Variants in KISS1R observed in about 807,000 individuals in gnomAD.
The protein encoded by KISS1R is kiSS-1 receptor.
KISS1R carries 19 observed loss-of-function variants against 22.0 expected under a neutral mutation model. The observed-to-expected ratio is 0.86, with a 90% CI of 0.60 to 1.26. KISS1R has a LOEUF of 1.26. Among genes scored for constraint, KISS1R ranks in the 50% most tolerant of loss-of-function variants. The pLI is 0.00. For missense variants in KISS1R, 653 were observed against 581.9 expected, an observed-to-expected ratio of 1.12 and a Z score of -1.26; for synonymous variants, 302 against 283.9, an observed-to-expected ratio of 1.06 and a Z score of -0.64.
intron 2 of KISS1R, 122 bp downstream of exon 2, chr19:918,790 G>A (rs1341105991): frequency 1.9e-6 from 2 of 1,061,916 alleles, no homozygotes; most frequent in South Asian, 2.9e-5. Flanking sequence ...TGGGAGGGGA[G>A]GGGATCGTAC....
In KISS1R at chr19:919,644, C is replaced by A. The variant is rs1274189492; in HGVS notation, c.505+19C>A. 1 of 1,545,354 alleles carries A rather than the reference C, an allele frequency of 6.5e-7. No homozygotes were observed. Among genetic ancestry groups the A allele is most frequent in the East Asian group, 2.4e-5 (1 of 41,562 alleles). ...TGGGTAGGTGAGTACAGCTCAGGGG[C>A]CTCACGGGAGAAGGCGGACACGTCC... On this transcript the variant is annotated intron_variant, in intron 3 of 4. Transcript: ENST00000234371.
In KISS1R at chr19:917,626, G is replaced by A; in HGVS notation, c.124G>A (p.Ala42Thr). 2 of 1,579,942 alleles carry A rather than the reference G, an allele frequency of 1.3e-6. No individual in the cohort carries two copies. The highest frequency in any genetic ancestry group is 1.7e-6 in the Non-Finnish European group (2 of 1,165,302). ...GPVPSPRAVD[A>T]WLVPLFFAAL... ...AGTCCCTTCGCCGCGGGCCGTGGAC[G>A]CCTGGCTCGTGCCGCTCTTCTTCGC... The change falls in exon 1 of 5, where the codon GCC (alanine) becomes ACC (threonine). Residue 42 changes from alanine to threonine, a missense_variant. Ala to Thr is a moderately conservative substitution (Grantham distance 58). Transcript: ENST00000234371.
At chr19:918,697 C>T in intron 2 of KISS1R, 29 bp downstream of exon 2, 3 of 1,535,574 alleles carry the variant, frequency 2.0e-6, no homozygotes, top group Non-Finnish European at 1.8e-6. Context: ...GGGGAGAGGG[C>T]GCACTTGGGG....
chr19:918,405 T>TGGGG, intron 1 of KISS1R, 139 bp from the exon 2 acceptor site: 1 of 822,102 alleles, frequency 1.2e-6, no homozygotes, highest in South Asian at 1.8e-5. Flanking sequence ...CCAGGGGCGC[T>TGGGG]GGGGGAGGGG....
rs757919641 is a variant in KISS1R, at chr19:920,635, G to T, written c.1084G>T (p.Glu362Ter). 1 of 1,338,508 alleles carries T rather than the reference G, an allele frequency of 7.5e-7. No homozygotes were observed. Among genetic ancestry groups the T allele is most frequent in the Non-Finnish European group, 9.5e-7 (1 of 1,053,202 alleles). The allele number at this position is 1,338,508 out of a possible 1,614,324, so 82.9% of individuals were successfully genotyped here. The change falls in exon 5 of 5, where the codon GAG (glutamate) becomes TAG (stop). Residue 362 changes from glutamate (E) to a stop codon, truncating the protein, a stop_gained. Coordinates refer to ENST00000234371, the MANE Select transcript of KISS1R (RefSeq NM_032551.5). LOFTEE classifies it low-confidence loss of function (END_TRUNC). ...GPSDPAAPHA[E>*]LLRLGSHPAP... ...CTCGGACCCCGCAGCCCCACACGCGGAGCTGCTCCGCCTGGGGTCCCACCC... is the reference window on the plus strand; with the variant it reads ...CTCGGACCCCGCAGCCCCACACGCGTAGCTGCTCCGCCTGGGGTCCCACCC...
In KISS1R at chr19:917,545, G is replaced by A; in HGVS notation, c.43G>A (p.Ala15Thr). 5.9e-6 allele frequency: 9 copies of A among 1,518,784 alleles called. No homozygotes were observed. Among genetic ancestry groups the A allele is most frequent in the Non-Finnish European group, 7.9e-6 (9 of 1,138,194 alleles). The allele number at this position is 1,518,784 out of a possible 1,614,324, so 94.1% of individuals were successfully genotyped here. ...ATSGPNASWG[A>T]PANASGCPGC... The stretch of plus-strand genomic sequence containing the variant: ...GTCCGGACCCAACGCGTCCTGGGGG[G>A]CACCGGCCAACGCCTCCGGCTGCCC... The change falls in exon 1 of 5, where the codon GCA (alanine) becomes ACA (threonine). Residue 15 changes from alanine (A) to threonine (T), a missense_variant. Ala to Thr is a moderately conservative substitution (Grantham distance 58). Coordinates refer to ENST00000234371, the MANE Select transcript of KISS1R (RefSeq NM_032551.5).
At position 918,642 on chromosome 19, in the gene KISS1R, T is replaced by A; in HGVS notation, c.343T>A (p.Cys115Ser). 1 of 1,550,890 alleles carries A rather than the reference T, an allele frequency of 6.4e-7. No individual in the cohort carries two copies. Among genetic ancestry groups the A allele is most frequent in the East Asian group, 2.4e-5 (1 of 40,940 alleles). Residue 115 changes from cysteine (C) to serine (S), a missense_variant, in exon 2 of 5, where the codon TGC becomes AGC. Transcript: ENST00000234371. ...LPGWVLGDFMCKFVNYIQQVS... is the reference protein window; with the variant it reads ...LPGWVLGDFMSKFVNYIQQVS... Reference sequence around the variant, plus strand: ...CGGCTGGGTGCTGGGCGACTTCATGTGCAAGTTCGTCAACTACATCCAGCA... The same window carrying A: ...CGGCTGGGTGCTGGGCGACTTCATGAGCAAGTTCGTCAACTACATCCAGCA...
Position 920,836 on chromosome 19 carries a change from C to A in KISS1R, c.*88C>A. Reference sequence around the variant, plus strand: ...TCTTCTGTTATTAGTATTTTTCTTACTGTCCAAGATCAACTGTGGAAATAT... The same window carrying A: ...TCTTCTGTTATTAGTATTTTTCTTAATGTCCAAGATCAACTGTGGAAATAT... On this transcript the variant is annotated 3_prime_UTR_variant, in exon 5 of 5. Coordinates refer to ENST00000234371, the MANE Select transcript of KISS1R (RefSeq NM_032551.5). 8.2e-7 allele frequency: 1 copy of A among 1,223,628 alleles called. No individual in the cohort carries two copies. 75.8% of individuals were successfully genotyped at this position (1,223,628 alleles called of 1,614,324 possible).
At position 919,543 on chromosome 19, in the gene KISS1R, G is replaced by T. The variant is rs757476059; in HGVS notation, c.423G>T (p.Trp141Cys). 2 of 1,562,686 alleles carry T rather than the reference G, an allele frequency of 1.3e-6. No homozygotes were observed. The highest frequency in any genetic ancestry group is 2.4e-5 in the East Asian group (1 of 42,468). The change falls in exon 3 of 5, where the codon TGG becomes TGT. Residue 141 changes from tryptophan to cysteine, a missense_variant. By Grantham distance (215) the Trp-to-Cys change is radical. Transcript: ENST00000234371. Reference sequence around the variant, plus strand: ...TGACCGCCATGAGTGTGGACCGCTGGTACGTGACGGTGTTCCCGTTGCGCG... The same window carrying T: ...TGACCGCCATGAGTGTGGACCGCTGTTACGTGACGGTGTTCCCGTTGCGCG... ...ATLTAMSVDRWYVTVFPLRAL... is the reference protein window; with the variant it reads ...ATLTAMSVDRCYVTVFPLRAL...
chr19:920,091 C>T lies in KISS1R; in HGVS notation c.723C>T (p.Ala241=), dbSNP rs1387629296. ...GGGTCGCCGTGCGCCCCGCGCCCGC[C>T]GATAGCGCCCTGCAGGTGCGCGGCG... ...LGRVAVRPAP[A]DSALQGQVLA... The change falls in exon 4 of 5, where the codon GCC becomes GCT. Residue 241 remains alanine, a synonymous_variant. Transcript: ENST00000234371. 4 of 1,513,392 alleles carry T rather than the reference C, an allele frequency of 2.6e-6. No individual in the cohort carries two copies. Among genetic ancestry groups the T allele is most frequent in the Non-Finnish European group, 3.5e-6 (4 of 1,137,814 alleles). The allele number at this position is 1,513,392 out of a possible 1,614,324, so 93.7% of individuals were successfully genotyped here. A position where few individuals can be genotyped will look rare whatever the true frequency, so the allele number is the denominator to read the frequency against.
At position 917,558 on chromosome 19, in the gene KISS1R, C is replaced by A; in HGVS notation, c.56C>A (p.Ala19Asp). The A allele has an allele frequency of 6.5e-7, 1 of 1,526,736 alleles. No individual in the cohort carries two copies. The allele number at this position is 1,526,736 out of a possible 1,614,324, so 94.6% of individuals were successfully genotyped here. Residue 19 changes from alanine (A) to aspartate (D), a missense_variant, in exon 1 of 5, where the codon GCC (alanine) becomes GAC (aspartate). Coordinates refer to ENST00000234371, the MANE Select transcript of KISS1R (RefSeq NM_032551.5). ...PNASWGAPANASGCPGCGANA... is the reference protein window; with the variant it reads ...PNASWGAPANDSGCPGCGANA... ...GCGTCCTGGGGGGCACCGGCCAACGCCTCCGGCTGCCCGGGCTGTGGCGCC... is the reference window on the plus strand; with the variant it reads ...GCGTCCTGGGGGGCACCGGCCAACGACTCCGGCTGCCCGGGCTGTGGCGCC...
rs1367987351 is a variant in KISS1R at position 917,398 on chromosome 19, T to A, written c.-105T>A. On this transcript the variant is annotated 5_prime_UTR_variant, in exon 1 of 5. Transcript: ENST00000234371. ...TGCGGACCCCAGCCGAGCCCCTTCCTGAGTTCCACAGGCGCAGCCCCCGGG... is the reference window on the plus strand; with the variant it reads ...TGCGGACCCCAGCCGAGCCCCTTCCAGAGTTCCACAGGCGCAGCCCCCGGG... 2 of 1,305,310 alleles carry A rather than the reference T, an allele frequency of 1.5e-6. No homozygotes were observed. Among genetic ancestry groups the A allele is most frequent in the Non-Finnish European group, 2.0e-6 (2 of 1,013,398 alleles). 80.9% of individuals were successfully genotyped at this position (1,305,310 alleles called of 1,614,324 possible). A position where few individuals can be genotyped will look rare whatever the true frequency, so the allele number is the denominator to read the frequency against.
rs761043800 is a variant in KISS1R at position 919,997 on chromosome 19, T to C, written c.629T>C (p.Leu210Pro). Residue 210 changes from leucine to proline, a missense_variant, in exon 4 of 5, where the codon CTG (leucine) becomes CCG (proline). Transcript: ENST00000234371. ...CGCGCCTTCGCACTGTACAACCTGC[T>C]GGCGCTGTACCTGCTGCCGCTGCTC... The part of the protein sequence containing the change: ...LERAFALYNL[L>P]ALYLLPLLAT... 3 of 1,556,858 alleles carry C rather than the reference T, an allele frequency of 1.9e-6. No homozygotes were observed. Among genetic ancestry groups the C allele is most frequent in the Non-Finnish European group, 1.7e-6 (2 of 1,153,448 alleles).
At position 920,271 on chromosome 19, in the gene KISS1R, C is replaced by A. The variant is rs560129563; in HGVS notation, c.739-19C>A. On this transcript the variant is annotated intron_variant, in intron 4 of 4. Transcript: ENST00000234371. ...GGGCCCCAGCCTTTCGTCTAACCAC[C>A]TTCACGGCACCCCCCCAGGGGCAGG... is the stretch of plus-strand genomic sequence containing the variant. The A allele has an allele frequency of 8.3e-6, 13 of 1,565,870 alleles. No homozygotes were observed. In the African/African-American group the frequency reaches 1.2e-4, roughly 15 times the overall value.
Position 917,531 on chromosome 19 carries a change from A to G in KISS1R, c.29A>G (p.Asn10Ser), listed in dbSNP as rs753548042. Residue 10 changes from asparagine to serine, a missense_variant, in exon 1 of 5, where the codon AAC becomes AGC. Asn to Ser is a conservative substitution (Grantham distance 46, BLOSUM62 1). Transcript: ENST00000234371. MHTVATSGP[N>S]ASWGAPANAS... ...CACACCGTGGCTACGTCCGGACCCA[A>G]CGCGTCCTGGGGGGCACCGGCCAAC... 4.6e-6 allele frequency: 7 copies of G among 1,507,024 alleles called. No individual in the cohort carries two copies. The African/African-American group carries it at 5.7e-5, about 12-fold the overall frequency. 93.4% of individuals were successfully genotyped at this position (1,507,024 alleles called of 1,614,324 possible).
chr19:920,877 C>A lies in KISS1R; in HGVS notation c.*129C>A. ...GTGGAAATATTTTGGTCTCTTGTGACGTTCGGTGCAGTTTCGTTGTGAAGT... is the reference window on the plus strand; with the variant it reads ...GTGGAAATATTTTGGTCTCTTGTGAAGTTCGGTGCAGTTTCGTTGTGAAGT... On this transcript the variant is annotated 3_prime_UTR_variant, in exon 5 of 5. Transcript: ENST00000234371. The A allele has an allele frequency of 9.2e-7, 1 of 1,087,612 alleles. No individual in the cohort carries two copies. Among genetic ancestry groups the A allele is most frequent in the Non-Finnish European group, 1.2e-6 (1 of 859,620 alleles). 67.4% of individuals were successfully genotyped at this position (1,087,612 alleles called of 1,614,324 possible).
chr19:917,718 G>C lies in KISS1R; in HGVS notation c.216G>C (p.Pro72=), dbSNP rs780363542. 6.2e-7 allele frequency: 1 copy of C among 1,606,784 alleles called. No individual in the cohort carries two copies. Among genetic ancestry groups the C allele is most frequent in the Non-Finnish European group, 8.5e-7 (1 of 1,177,126 alleles). ...TCTACGTCATCTGCCGCCACAAGCCGATGCGGACCGTGACCAACTTCTACA... is the reference window on the plus strand; with the variant it reads ...TCTACGTCATCTGCCGCCACAAGCCCATGCGGACCGTGACCAACTTCTACA... The part of the protein sequence containing the change: ...LVIYVICRHK[P]MRTVTNFYIA... Residue 72 remains proline, a synonymous_variant, in exon 1 of 5, where the codon CCG becomes CCC. Transcript: ENST00000234371.
chr19:919,427 G>T, intron 2 of KISS1R, 63 bp from the exon 3 acceptor site: 2 of 1,533,390 alleles, frequency 1.3e-6, no homozygotes, highest in East Asian at 2.4e-5. Context: ...TCAGCAGGGC[G>T]GGCGGACAGG....
At chr19:918,462 G>A (rs1220855674) in intron 1 of KISS1R, 82 bp from the exon 2 acceptor site, 10 of 1,491,714 alleles carry the variant, frequency 6.7e-6, no homozygotes, top group Non-Finnish European at 8.1e-6. Flanking sequence ...CAAGGTGGGG[G>A]CCAGGGGTCA....
Sources: allele counts gnomAD v4.1 joint callset, GRCh38; gene constraint gnomAD v4.1.1; transcripts MANE v1.5; gene names NCBI Gene and HGNC (gene_info 2026-07-23, HGNC 2026-07-21).